The following PLK4 variants were observed in gnomAD, a reference collection of about 807,000 sequenced individuals.
PLK4 encodes the protein polo like kinase 4, also known as serine/threonine-protein kinase PLK4.
A neutral mutation model predicts 103.0 loss-of-function variants in PLK4; 51 were observed. The observed-to-expected ratio is 0.50, with a 90% CI of 0.40 to 0.63. The LOEUF is 0.63. Among genes scored for constraint, PLK4 ranks in the 20% least tolerant of loss-of-function variants. The pLI is 0.00. For synonymous variants in PLK4, 389 were observed against 376.8 expected (o/e 1.03, Z -0.38); for missense variants, 1,054 against 1,151.0 (o/e 0.92, Z 1.22).
intron 14 of PLK4, among the ~76,000 whole-genome samples, chr4:127,895,424 T>G (rs555006271): frequency 8.2e-4 from 124 of 151,056 alleles, no homozygotes; most frequent in Non-Finnish European, 1.4e-3. Flanking sequence ...TGGAAATTAT[T>G]TGTAATCAAT....
chr4:127,887,835 G>GCAC (rs1735192678), intron 6 of PLK4, among the ~76,000 whole-genome samples: 1 of 138,514 alleles, frequency 7.2e-6, no homozygotes, highest in Non-Finnish European at 1.5e-5. Context: ...TGATCACACT[G>GCAC]CACTCCAGCC....
rs112228681 is a variant in PLK4, at chr4:127,885,919, C to T, written c.549C>T (p.Ala183=). The part of the protein sequence containing the change: ...GTPNYISPEI[A]TRSAHGLESD... ...CTAACTACATTTCACCAGAAATTGC[C>T]ACTCGAAGTGCACATGGCCTTGAAT... Residue 183 remains alanine, a synonymous_variant, in exon 5 of 16, where the codon GCC becomes GCT. Transcript: ENST00000270861. The T allele has an allele frequency of 3.1e-6, 5 of 1,614,038 alleles. No homozygotes were observed. Among genetic ancestry groups the T allele is most frequent in the Non-Finnish European group, 3.4e-6 (4 of 1,179,918 alleles).
rs1327712415 is a variant in PLK4, at chr4:127,880,977, A to T, written c.-158A>T. 2 of 751,824 alleles carry T rather than the reference A, an allele frequency of 2.7e-6. No homozygotes were observed. The highest frequency in any genetic ancestry group is 2.2e-6 in the Non-Finnish European group (1 of 451,680). 46.6% of individuals were successfully genotyped at this position (751,824 alleles called of 1,614,324 possible). A position where few individuals can be genotyped will look rare whatever the true frequency, so the allele number is the denominator to read the frequency against. On this transcript the variant is annotated 5_prime_UTR_variant, in exon 1 of 16. Transcript: ENST00000270861. Reference sequence around the variant, plus strand: ...CACCGCCCAGGCCTCGGAAGGTGTCAGGGAGAACTTTCCGTGGTTTCAGCG... The same window carrying T: ...CACCGCCCAGGCCTCGGAAGGTGTCTGGGAGAACTTTCCGTGGTTTCAGCG...
At chr4:127,897,056 C>T (rs976448933) in intron 15 of PLK4, 149 bp downstream of exon 15, 8 of 552,868 alleles carry the variant, frequency 1.4e-5, no homozygotes, top group Non-Finnish European at 2.6e-5. Context: ...CTTAGCAATT[C>T]ATGTAGTCAT....
In PLK4 at chr4:127,893,581, CT is replaced by C; in HGVS notation, c.2396del (p.Phe799SerfsTer3). 1 of 1,611,780 alleles carries C rather than the reference CT, an allele frequency of 6.2e-7. No individual in the cohort carries two copies. The highest frequency in any genetic ancestry group is 1.1e-5 in the South Asian group (1 of 90,770). On this transcript the variant is annotated frameshift_variant, in exon 12 of 16. Coordinates refer to ENST00000270861, the MANE Select transcript of PLK4 (RefSeq NM_014264.5). LOFTEE classifies it high-confidence loss of function. Reference protein sequence around the residue: ...EEERKTRSAPFFPIIIGRKPG... With the variant: ...EEERKTRSAPXFPIIIGRKPG... ...AGGAAAGGAAAACTAGGAGTGCTCC[CT>C]TTTTCCCAATAATCATAGGAAGGTA...
At chr4:127,889,464 TA>T (rs1425452946) in intron 6 of PLK4, among the ~76,000 whole-genome samples, 1 of 152,160 alleles carries the variant, frequency 6.6e-6, no homozygotes, top group East Asian at 1.9e-4. Context: ...GTTCTTAGCT[TA>T]AAGAGAGTAA....
intron 1 of PLK4, 121 bp from the exon 2 acceptor site, chr4:127,881,710 A>G: frequency 1.5e-6 from 1 of 678,456 alleles, no homozygotes; most frequent in Non-Finnish European, 2.6e-6. Flanking sequence ...TCGAGGTGTA[A>G]TACCCGCTTG....
intron 4 of PLK4, among the ~76,000 whole-genome samples, chr4:127,883,893 G>A (rs1164360015): frequency 6.6e-6 from 1 of 152,088 alleles, no homozygotes; most frequent in African/African-American, 2.4e-5. Flanking sequence ...AGCATAAATA[G>A]CCATTGAAAC....
chr4:127,881,254 A>G, intron 1 of PLK4, 90 bp downstream of exon 1: 1 of 1,598,410 alleles, frequency 6.3e-7, no homozygotes, highest in Middle Eastern at 1.7e-4. Context: ...GAACGAAGCT[A>G]ACGGCTGCGG....
Position 127,892,567 on chromosome 4 carries a change from T to G in PLK4, c.2188+53T>G, listed in dbSNP as rs1036887201. On this transcript the variant is annotated intron_variant, in intron 10 of 15. Transcript: ENST00000270861. ...GTTCCTTTAGTTTGTAATTTAGTAG[T>G]TACGTATATGTGGGTTTTTAAAATT... 4 of 1,420,882 alleles carry G rather than the reference T, an allele frequency of 2.8e-6. No homozygotes were observed. In the African/African-American group the frequency reaches 5.7e-5, roughly 20 times the overall value. The allele number at this position is 1,420,882 out of a possible 1,614,324, so 88.0% of individuals were successfully genotyped here.
intron 14 of PLK4, among the ~76,000 whole-genome samples, 153 bp downstream of exon 14, chr4:127,895,246 A>T (rs1233608843): frequency 2.0e-5 from 3 of 152,122 alleles, no homozygotes; most frequent in African/African-American, 4.8e-5. Flanking sequence ...ATCATTAAAA[A>T]TTTTAACTTC....
intron 14 of PLK4, among the ~76,000 whole-genome samples, 156 bp from the exon 15 acceptor site, chr4:127,896,645 T>C (rs984426317): frequency 1.3e-5 from 2 of 152,168 alleles, no homozygotes; most frequent in Non-Finnish European, 2.9e-5. Context: ...TGTAGTCACT[T>C]AGAGAGTTTT....
At position 127,892,634 on chromosome 4, in the gene PLK4, CATATAA is replaced by C. The variant is rs529174455; in HGVS notation, c.2188+123_2188+128del. 2.8e-4 allele frequency: 199 copies of C among 700,570 alleles called. No homozygotes were observed. The African/African-American group carries it at 3.1e-3, about 11-fold the overall frequency. 43.4% of individuals were successfully genotyped at this position (700,570 alleles called of 1,614,324 possible). ...AAAGATGTGTATGTATATAACTATA[CATATAA>C]ATTGCACAGCGGAGTATACATGTCA... On this transcript the variant is annotated intron_variant, in intron 10 of 15. Coordinates refer to ENST00000270861, the MANE Select transcript of PLK4 (RefSeq NM_014264.5).
In PLK4 at chr4:127,896,826, A is replaced by T; in HGVS notation, c.2729A>T (p.Gln910Leu). 6.2e-7 allele frequency: 1 copy of T among 1,610,696 alleles called. No individual in the cohort carries two copies. The highest frequency in any genetic ancestry group is 8.5e-7 in the Non-Finnish European group (1 of 1,177,668). ...TQLTSGAVWV[Q>L]FNDGSQLVVQ... ...TTAACTAGTGGAGCTGTGTGGGTTC[A>T]GTTTAATGATGGGTCCCAGTTGGTT... The change falls in exon 15 of 16, where the codon CAG becomes CTG. Residue 910 changes from glutamine to leucine, a missense_variant. Around this residue, in one of 4 missense-constraint regions of PLK4, gnomAD observed 167 missense variants for 200.7 expected, o/e 0.83. Coordinates refer to ENST00000270861, the MANE Select transcript of PLK4 (RefSeq NM_014264.5).
rs779829924 is a variant in PLK4, at chr4:127,895,029, G to A, written c.2639G>A (p.Cys880Tyr). The A allele has an allele frequency of 6.2e-7, 1 of 1,611,676 alleles. No individual in the cohort carries two copies. The highest frequency in any genetic ancestry group is 8.5e-7 in the Non-Finnish European group (1 of 1,178,464). ...TDISSNSLKDCLPKSAQLLKS... is the reference protein window; with the variant it reads ...TDISSNSLKDYLPKSAQLLKS... ...ATCTCTTCTAATAGTCTAAAAGATT[G>A]TCTTCCTAAATCAGCACAACTTTTG... The change falls in exon 14 of 16, where the codon TGT becomes TAT. Residue 880 changes from cysteine (C) to tyrosine (Y), a missense_variant. By Grantham distance (194) the Cys-to-Tyr change is radical. Coordinates refer to ENST00000270861, the MANE Select transcript of PLK4 (RefSeq NM_014264.5).
chr4:127,893,299 A>G lies in PLK4; in HGVS notation c.2203A>G (p.Lys735Glu), dbSNP rs1252701935. Residue 735 changes from lysine to glutamate, a missense_variant, in exon 11 of 16, where the codon AAA (lysine) becomes GAA (glutamate). Physicochemically the swap from Lys to Glu is moderately conservative, Grantham distance 56. This residue lies in a region of PLK4 where 680 missense variants were observed against 660.3 expected (regional missense o/e 1.03). Coordinates refer to ENST00000270861, the MANE Select transcript of PLK4 (RefSeq NM_014264.5). ...VWFYDGVKIH[K>E]TEDFIQVIEK... ...TTTTTTTTTAGGGGTAAAAATACAC[A>G]AAACAGAAGATTTCATTCAGGTGAT... 1.9e-6 allele frequency: 3 copies of G among 1,576,514 alleles called. No homozygotes were observed. Among genetic ancestry groups the G allele is most frequent in the Non-Finnish European group, 2.6e-6 (3 of 1,161,996 alleles).
In PLK4 at chr4:127,881,813, T is replaced by C. The variant is rs776601077; in HGVS notation, c.31-18T>C. 3.5e-6 allele frequency: 5 copies of C among 1,438,888 alleles called. No homozygotes were observed. In the South Asian group the frequency reaches 5.7e-5, roughly 16 times the overall value. 89.1% of individuals were successfully genotyped at this position (1,438,888 alleles called of 1,614,324 possible). ...TACTGTGAGTCATCACACATAATCTTTAATTTTAACTTTTAAGGATTTTAA... is the reference window on the plus strand; with the variant it reads ...TACTGTGAGTCATCACACATAATCTCTAATTTTAACTTTTAAGGATTTTAA... On this transcript the variant is annotated intron_variant, in intron 1 of 15. Coordinates refer to ENST00000270861, the MANE Select transcript of PLK4 (RefSeq NM_014264.5).
Position 127,891,633 on chromosome 4 carries a change from C to A in PLK4, c.1990C>A (p.Pro664Thr). 6.4e-7 allele frequency: 1 copy of A among 1,553,142 alleles called. No individual in the cohort carries two copies. Among genetic ancestry groups the A allele is most frequent in the Non-Finnish European group, 8.7e-7 (1 of 1,143,426 alleles). ...AGGTTTTCCTCTTGCTGATAGACCA[C>A]CCTCACCTACTGACAACATCAGTAG... ...GRGFPLADRP[P>T]SPTDNISRYS... The change falls in exon 9 of 16, where the codon CCC becomes ACC. Residue 664 changes from proline (P) to threonine (T), a missense_variant. Physicochemically the swap from Pro to Thr is conservative, Grantham distance 38. Coordinates refer to ENST00000270861, the MANE Select transcript of PLK4 (RefSeq NM_014264.5).
rs377056419 is a variant in PLK4 at position 127,892,412 on chromosome 4, G to C, written c.2086G>C (p.Val696Leu). 3.8e-6 allele frequency: 6 copies of C among 1,584,626 alleles called. No homozygotes were observed. Among genetic ancestry groups the C allele is most frequent in the Non-Finnish European group, 5.1e-6 (6 of 1,169,232 alleles). ...ATATGCTTCCAGGTTTGTACAGCTT[G>C]TAAGATCTAAATCTCCCAAAATCAC... The part of the protein sequence containing the change: ...YQYASRFVQL[V>L]RSKSPKITYF... Residue 696 changes from valine (V) to leucine (L), a missense_variant, in exon 10 of 16, where the codon GTA (valine) becomes CTA (leucine). By Grantham distance (32) the Val-to-Leu change is conservative (BLOSUM62 1). Around this residue, in one of 4 missense-constraint regions of PLK4, gnomAD observed 680 missense variants for 660.3 expected, o/e 1.03. Transcript: ENST00000270861.
Sources: allele counts gnomAD v4.1 joint callset (sites outside exome capture counted in the v4.1 genomes callset), GRCh38; gene constraint gnomAD v4.1.1; regional missense constraint gnomAD v4.1.1; transcripts MANE v1.5; gene names NCBI Gene and HGNC (gene_info 2026-07-23, HGNC 2026-07-21).